Variants in ARHGEF3 observed in about 807,000 individuals in gnomAD.
The protein encoded by ARHGEF3 is 59.8 kDA protein.
ARHGEF3 carries 28 observed loss-of-function variants against 63.2 expected under a neutral mutation model. The observed-to-expected ratio is 0.44, with a 90% CI of 0.33 to 0.61. The LOEUF is 0.61. Ranked by LOEUF, ARHGEF3 falls within the 20% of genes least tolerant of loss-of-function variation. The pLI, the probability that ARHGEF3 is intolerant of heterozygous loss-of-function variation, is 0.03. For missense variants in ARHGEF3, 533 were observed against 659.3 expected, an observed-to-expected ratio of 0.81 and a Z score of 2.10; for synonymous variants, 266 against 254.2, an observed-to-expected ratio of 1.05 and a Z score of -0.44.
chr3:57,014,994 T>C (rs181350390), intron 2 of ARHGEF3, among the ~76,000 whole-genome samples: 1 of 151,998 alleles, frequency 6.6e-6, no homozygotes, highest in South Asian at 2.1e-4. Flanking sequence ...CAAAGCTTGT[T>C]AACTTTTTTC....
chr3:56,913,172 C>A (rs533617850), intron 3 of ARHGEF3, among the ~76,000 whole-genome samples: 459 of 44,318 alleles, frequency 0.01, 4 homozygotes, highest in African/African-American at 0.023. Context: ...ACAACAACAA[C>A]AAAAAAAACT....
At chr3:56,864,611 C>T (rs2040182164) in intron 4 of ARHGEF3, among the ~76,000 whole-genome samples, 1 of 152,194 alleles carries the variant, frequency 6.6e-6, no homozygotes, top group African/African-American at 2.4e-5. Context: ...GGTTTGCTCA[C>T]CATGTTATTC....
intron 3 of ARHGEF3, among the ~76,000 whole-genome samples, chr3:56,952,130 C>G (rs1476635219): frequency 6.6e-6 from 1 of 151,936 alleles, no homozygotes. Context: ...AGAGAGAGAT[C>G]ATCTGAGTGG....
intron 3 of ARHGEF3, among the ~76,000 whole-genome samples, chr3:56,889,838 G>A (rs190957057): frequency 1.5e-4 from 23 of 152,326 alleles, no homozygotes; most frequent in African/African-American, 4.8e-4. Flanking sequence ...GAGATGGGCG[G>A]ATCACCTGAG....
intron 1 of ARHGEF3, among the ~76,000 whole-genome samples, chr3:57,067,773 A>G (rs1051248953): frequency 3.3e-4 from 50 of 151,132 alleles, no homozygotes; most frequent in African/African-American, 1.2e-3. Flanking sequence ...TGAGGTCAGG[A>G]GATCGAGACC....
At chr3:56,761,824 G>A (rs568481572) in intron 2 of ARHGEF3, among the ~76,000 whole-genome samples, 51 of 152,250 alleles carry the variant, frequency 3.3e-4, no homozygotes, top group Admixed American at 6.5e-4. Flanking sequence ...GACAATCCAA[G>A]TCTGGTCTAT....
At chr3:56,941,931 T>C (rs575078453) in intron 3 of ARHGEF3, among the ~76,000 whole-genome samples, 1 of 152,356 alleles carries the variant, frequency 6.6e-6, no homozygotes, top group East Asian at 1.9e-4. Flanking sequence ...ATCACATTGT[T>C]GAGAACACAG....
chr3:56,831,032 C>T (rs2038914951), intron 4 of ARHGEF3, among the ~76,000 whole-genome samples: 1 of 152,206 alleles, frequency 6.6e-6, no homozygotes, highest in Admixed American at 6.5e-5. Context: ...ACCTAGGCTA[C>T]AAGCTCTGTG....
chr3:56,922,173 C>T (rs190818188), intron 3 of ARHGEF3, among the ~76,000 whole-genome samples: 165 of 152,176 alleles, frequency 1.1e-3, no homozygotes, highest in African/African-American at 3.4e-3. Flanking sequence ...GCAAGGGCCA[C>T]CTGAAGAATT....
chr3:57,017,032 T>TCACACACACACACA (rs1553806980), intron 2 of ARHGEF3, among the ~76,000 whole-genome samples: 1 of 104,316 alleles, frequency 9.6e-6, no homozygotes, highest in Admixed American at 1.0e-4. Flanking sequence ...TCTCTCTCTC[T>TCACACACACACACA]CACACACACA....
At chr3:56,749,705 T>C (rs1302736647) in intron 6 of ARHGEF3, among the ~76,000 whole-genome samples, 1 of 152,256 alleles carries the variant, frequency 6.6e-6, no homozygotes, top group Non-Finnish European at 1.5e-5. Context: ...ATAAGATGAA[T>C]GATCTCTCTT....
intron 4 of ARHGEF3, among the ~76,000 whole-genome samples, chr3:56,823,601 G>A (rs1365142134): frequency 6.6e-6 from 1 of 152,100 alleles, no homozygotes; most frequent in Non-Finnish European, 1.5e-5. Flanking sequence ...ACAGATGGGA[G>A]GTTATCTTGA....
intron 2 of ARHGEF3, among the ~76,000 whole-genome samples, chr3:57,030,712 G>C (rs1226863745): frequency 6.6e-6 from 1 of 152,160 alleles, no homozygotes; most frequent in Non-Finnish European, 1.5e-5. Context: ...CTGAGGCATA[G>C]AAATGCACTA....
intron 3 of ARHGEF3, among the ~76,000 whole-genome samples, chr3:56,894,649 A>C (rs966863845): frequency 2.0e-5 from 3 of 152,066 alleles, no homozygotes; most frequent in Non-Finnish European, 4.4e-5. Flanking sequence ...ATTATAAAAA[A>C]TTTTAAAAAA....
At chr3:57,055,777 C>A (rs551614887) in intron 1 of ARHGEF3, among the ~76,000 whole-genome samples, 3 of 152,310 alleles carry the variant, frequency 2.0e-5, no homozygotes, top group African/African-American at 7.2e-5. Flanking sequence ...TTCCTCCTCG[C>A]CCCTGAAGCC....
chr3:56,836,400 A>G (rs959119186), intron 4 of ARHGEF3, among the ~76,000 whole-genome samples: 1 of 152,232 alleles, frequency 6.6e-6, no homozygotes, highest in African/African-American at 2.4e-5. Context: ...TAGTTCTGAA[A>G]CATTACAAAT....
chr3:56,949,148 T>C (rs1393627808), intron 3 of ARHGEF3, among the ~76,000 whole-genome samples: 1 of 151,830 alleles, frequency 6.6e-6, no homozygotes, highest in Non-Finnish European at 1.5e-5. Context: ...AAGAGCTATC[T>C]ATGACAAACC....
intron 4 of ARHGEF3, among the ~76,000 whole-genome samples, chr3:56,876,893 GA>G (rs1489234970): frequency 6.6e-6 from 1 of 152,188 alleles, no homozygotes; most frequent in Non-Finnish European, 1.5e-5. Flanking sequence ...GTGGAGGGGG[GA>G]AGTAAATGTC....
chr3:56,773,764 T>G lies in ARHGEF3; in HGVS notation c.149A>C (p.Asn50Thr). The change falls in exon 2 of 10, where the codon AAC becomes ACC. Residue 50 changes from asparagine (N) to threonine (T), a missense_variant. This residue lies in a region of ARHGEF3 where 160 missense variants were observed against 157.3 expected (regional missense o/e 1.02). Coordinates refer to ENST00000296315, the MANE Select transcript of ARHGEF3 (RefSeq NM_019555.3). ...KPLSRVTSLA[N>T]LIPPVKATPL... Reference sequence around the variant, plus strand: ...CGTGGCCTTCACGGGCGGGATGAGGTTTGCTAGCGACGTGACTCGGGAAAG... The same window carrying G: ...CGTGGCCTTCACGGGCGGGATGAGGGTTGCTAGCGACGTGACTCGGGAAAG... 1 of 1,601,828 alleles carries G rather than the reference T, an allele frequency of 6.2e-7. No individual in the cohort carries two copies. The highest frequency in any genetic ancestry group is 8.5e-7 in the Non-Finnish European group (1 of 1,175,546).
Sources: gnomAD v4.1 joint callset for allele counts (sites outside exome capture counted in the v4.1 genomes callset) on GRCh38, gnomAD v4.1.1 for gene constraint, gnomAD v4.1.1 regional missense constraint, MANE v1.5 for transcripts, NCBI Gene and HGNC (gene_info 2026-07-23, HGNC 2026-07-21) for gene names.